The following LAMA3 variants were observed in gnomAD, a reference collection of about 807,000 sequenced individuals.
The protein encoded by LAMA3 is laminin subunit alpha-3.
A neutral mutation model predicts 402.0 loss-of-function variants in LAMA3; 281 were observed. That is an observed-to-expected ratio of 0.70 (90% confidence interval 0.63 to 0.77). The LOEUF is 0.77. Ranked by LOEUF, LAMA3 falls within the 30% of genes least tolerant of loss-of-function variation. LAMA3 has a pLI of 0.00. For synonymous variants in LAMA3, 1,431 were observed against 1,558.4 expected (o/e 0.92, Z 1.93); for missense variants, 3,840 against 4,215.5 (o/e 0.91, Z 2.47).
intron 2 of LAMA3, among the ~76,000 whole-genome samples, chr18:23,744,569 T>C (rs1334023746): frequency 1.3e-5 from 2 of 152,078 alleles, no homozygotes; most frequent in Non-Finnish European, 2.9e-5. Flanking sequence ...CGGTGGCTCA[T>C]ACCTGTAATC....
intron 5 of LAMA3, among the ~76,000 whole-genome samples, chr18:23,751,366 C>T (rs1305245505): frequency 6.6e-6 from 1 of 152,252 alleles, no homozygotes; most frequent in Non-Finnish European, 1.5e-5. Context: ...ATACTACAGC[C>T]AACAATTCCC....
chr18:23,840,546 C>T (rs2063678589), intron 27 of LAMA3, among the ~76,000 whole-genome samples: 1 of 151,842 alleles, frequency 6.6e-6, no homozygotes, highest in African/African-American at 2.4e-5. Flanking sequence ...CCTTGCCCAG[C>T]TAATTTTTTT....
rs538756062 is a variant in LAMA3, at chr18:23,861,079, G to GA, written c.4423-557dup. 1.1e-3 allele frequency among the ~76,000 whole-genome samples: 164 copies of GA among 147,984 alleles called. 3 individuals carry two copies. Among genetic ancestry groups the GA allele is most frequent in the South Asian group, 8.6e-3 (40 of 4,670 alleles). ...CTAAAAGGAGTGTAGCTAGTAATTGGAAAAAAAAAATACTTTGTAAATCTG... is the reference window on the plus strand; with the variant it reads ...CTAAAAGGAGTGTAGCTAGTAATTGGAAAAAAAAAAATACTTTGTAAATCTG... On this transcript the variant is annotated intron_variant, in intron 34 of 74. Transcript: ENST00000313654.
chr18:23,802,889 C>G (rs937417148), intron 12 of LAMA3, among the ~76,000 whole-genome samples: 2 of 152,188 alleles, frequency 1.3e-5, no homozygotes, highest in East Asian at 3.9e-4. Context: ...GTACTGCCAC[C>G]TAGTAGTTTT....
chr18:23,788,147 C>T (rs1456580104), intron 12 of LAMA3, among the ~76,000 whole-genome samples: 2 of 151,852 alleles, frequency 1.3e-5, no homozygotes, highest in Non-Finnish European at 2.9e-5. Context: ...TAAAGACACT[C>T]TATAAATATA....
In LAMA3 at chr18:23,712,051, A is replaced by T. The variant is rs77008796; in HGVS notation, c.295-1869A>T. Among the ~76,000 whole-genome samples the T allele has an allele frequency of 4.6e-5, 7 of 152,198 alleles. No individual in the cohort carries two copies. The East Asian group carries it at 1.3e-3, about 29-fold the overall frequency. On this transcript the variant is annotated intron_variant, in intron 1 of 74. Coordinates refer to ENST00000313654, the MANE Select transcript of LAMA3 (RefSeq NM_198129.4). ...GGAGAAATAAAGATCATAGAAGGGAAAATACTGATAGTAAGTGTTTAGATG... is the reference window on the plus strand; with the variant it reads ...GGAGAAATAAAGATCATAGAAGGGATAATACTGATAGTAAGTGTTTAGATG...
In LAMA3 at chr18:23,868,357, C is replaced by G. The variant is rs146049909; in HGVS notation, c.4767+440C>G. Among the ~76,000 whole-genome samples the G allele has an allele frequency of 5.9e-3, 895 of 152,246 alleles. 6 individuals are homozygous for G. Among genetic ancestry groups the G allele is most frequent in the Middle Eastern group, 0.01 (3 of 294 alleles). On this transcript the variant is annotated intron_variant, in intron 37 of 74. Coordinates refer to ENST00000313654, the MANE Select transcript of LAMA3 (RefSeq NM_198129.4). ...GGCTTTCTTGGTACCATCTGTCCAG[C>G]CTTTTTACACTTTCTCTCCCATTTC...
chr18:23,946,393 T>A, intron 70 of LAMA3, 109 bp downstream of exon 70: 1 of 1,211,476 alleles, frequency 8.3e-7, no homozygotes, highest in Non-Finnish European at 1.2e-6. Flanking sequence ...CAAAATACTT[T>A]AAATGATTTT....
Position 23,737,628 on chromosome 18 carries a change from G to A in LAMA3, c.448-10315G>A, listed in dbSNP as rs540686729. On this transcript the variant is annotated intron_variant, in intron 2 of 74. Transcript: ENST00000313654. Reference sequence around the variant, plus strand: ...GTGACTTTGAGCTGTCCTGTTTTACGCCAAGTAAGTGGAATCCTTAGGGTT... The same window carrying A: ...GTGACTTTGAGCTGTCCTGTTTTACACCAAGTAAGTGGAATCCTTAGGGTT... Among the ~76,000 whole-genome samples, 9 of 152,284 alleles carry A rather than the reference G, an allele frequency of 5.9e-5. No individual in the cohort carries two copies. In the South Asian group the frequency reaches 6.2e-4, roughly 11 times the overall value.
At chr18:23,694,152 C>T (rs1164976980) in intron 1 of LAMA3, among the ~76,000 whole-genome samples, 4 of 152,182 alleles carry the variant, frequency 2.6e-5, no homozygotes, top group Admixed American at 1.3e-4. Context: ...ATATTGTATT[C>T]CCTCAGTGGT....
In LAMA3 at chr18:23,904,689, CTCCAGG is replaced by C. The variant is rs776196604; in HGVS notation, c.6612_6615+2del. 1.2e-6 allele frequency: 2 copies of C among 1,614,052 alleles called. No individual in the cohort carries two copies. The highest frequency in any genetic ancestry group is 1.7e-6 in the Non-Finnish European group (2 of 1,180,002). ...GGCTGCCAGTGCATCTGAATCTGCC[CTCCAGG>C]TGGGCACCTGTACCAGCAGCTTCTC... On this transcript the variant is annotated splice_donor_variant and coding_sequence_variant, in exon 51 of 75. Coordinates refer to ENST00000313654, the MANE Select transcript of LAMA3 (RefSeq NM_198129.4). LOFTEE classifies it high-confidence loss of function.
chr18:23,891,889 A>C (rs2080681527), intron 42 of LAMA3, among the ~76,000 whole-genome samples: 1 of 152,166 alleles, frequency 6.6e-6, no homozygotes, highest in Non-Finnish European at 1.5e-5. Context: ...ACATCTTTAG[A>C]AGACAATAGA....
chr18:23,773,345 G>C, intron 8 of LAMA3, 152 bp from the exon 9 acceptor site: 1 of 697,582 alleles, frequency 1.4e-6, no homozygotes, highest in East Asian at 2.8e-5. Flanking sequence ...TTTTGGTCAA[G>C]GTCAAGATTA....
chr18:23,783,511 G>T (rs1474091998), intron 11 of LAMA3, among the ~76,000 whole-genome samples: 1 of 152,172 alleles, frequency 6.6e-6, no homozygotes, highest in Non-Finnish European at 1.5e-5. Context: ...GAGGTCCTGA[G>T]GTGGGAAAGC....
At chr18:23,791,168 G>T (rs927347786) in intron 12 of LAMA3, among the ~76,000 whole-genome samples, 2 of 152,078 alleles carry the variant, frequency 1.3e-5, no homozygotes, top group Non-Finnish European at 2.9e-5. Context: ...GAACCATCGC[G>T]CCTGGCTTCC....
At chr18:23,723,925 G>T (rs538608270) in intron 2 of LAMA3, among the ~76,000 whole-genome samples, 4 of 151,936 alleles carry the variant, frequency 2.6e-5, no homozygotes, top group Non-Finnish European at 5.9e-5. Context: ...GGTGGTGTTT[G>T]GTTACATTAG....
At chr18:23,818,771 A>AT (rs1568217307) in intron 18 of LAMA3, among the ~76,000 whole-genome samples, 2 of 152,006 alleles carry the variant, frequency 1.3e-5, no homozygotes, top group East Asian at 3.8e-4. Context: ...TTAGCATTCT[A>AT]TTTTTTCATA....
chr18:23,822,904 A>C (rs2063314151), intron 20 of LAMA3, among the ~76,000 whole-genome samples: 1 of 152,176 alleles, frequency 6.6e-6, no homozygotes, highest in African/African-American at 2.4e-5. Context: ...GGGACAAGAG[A>C]AGAGAGCACA....
At chr18:23,943,231 C>T (rs2082586475) in intron 68 of LAMA3, among the ~76,000 whole-genome samples, 1 of 152,172 alleles carries the variant, frequency 6.6e-6, no homozygotes, top group Non-Finnish European at 1.5e-5. Context: ...TGAGGTATCT[C>T]AAGTAGTCGT....
Sources: allele counts gnomAD v4.1 joint callset (sites outside exome capture counted in the v4.1 genomes callset), GRCh38; gene constraint gnomAD v4.1.1; transcripts MANE v1.5; gene names NCBI Gene and HGNC (gene_info 2026-07-23, HGNC 2026-07-21).